The following TOX2 variants were observed in gnomAD, a reference collection of about 807,000 sequenced individuals.
TOX2 encodes TOX high mobility group box family member 2.
A neutral mutation model predicts 47.4 loss-of-function variants in TOX2; 15 were observed. The observed-to-expected ratio is 0.32, with a 90% CI of 0.21 to 0.49. The LOEUF is 0.49. Among genes scored for constraint, TOX2 ranks in the 20% least tolerant of loss-of-function variants. TOX2 has a pLI of 0.99. For synonymous variants in TOX2, 290 were observed against 296.6 expected, an observed-to-expected ratio of 0.98 and a Z score of 0.23; for missense variants, 622 against 673.1, an observed-to-expected ratio of 0.92 and a Z score of 0.84.
At chr20:43,925,320 T>G (rs2069153174) in intron 1 of TOX2, among the ~76,000 whole-genome samples, 1 of 152,012 alleles carries the variant, frequency 6.6e-6, no homozygotes, top group Non-Finnish European at 1.5e-5. Context: ...CGTGACTGCG[T>G]GGGTGGGCAG....
chr20:43,944,513 AC>A lies in TOX2; in HGVS notation c.100-28853del, dbSNP rs2069440405. ...AAAGGTACAGAGGCAGGGAAGCAAG[AC>A]TTTTTTCCTTTCTGGAGCCTTTTGT... On this transcript the variant is annotated intron_variant, in intron 1 of 8. Coordinates refer to ENST00000341197, the MANE Select transcript of TOX2 (RefSeq NM_001098797.2). Among the ~76,000 whole-genome samples the A allele has an allele frequency of 2.1e-5, 3 of 143,516 alleles. No individual in the cohort carries two copies. The South Asian group carries it at 6.4e-4, about 31-fold the overall frequency. 94.2% of individuals were successfully genotyped at this position (143,516 alleles called of 152,430 possible). A position where few individuals can be genotyped will look rare whatever the true frequency, so the allele number is the denominator to read the frequency against.
At position 43,956,741 on chromosome 20, in the gene TOX2, G is replaced by A. The variant is rs537221047; in HGVS notation, c.100-16626G>A. Among the ~76,000 whole-genome samples the A allele has an allele frequency of 9.2e-5, 14 of 152,212 alleles. 2 individuals are homozygous for A. The highest frequency in any genetic ancestry group is 4.1e-4 in the South Asian group (2 of 4,820). On this transcript the variant is annotated intron_variant, in intron 1 of 8. Coordinates refer to ENST00000341197, the MANE Select transcript of TOX2 (RefSeq NM_001098797.2). Reference sequence around the variant, plus strand: ...ATTGTCTTCCATTAGGCTGGAACCCGTTTCCCATGTCCGCAGTGGTGTGAA... The same window carrying A: ...ATTGTCTTCCATTAGGCTGGAACCCATTTCCCATGTCCGCAGTGGTGTGAA...
At chr20:43,944,896 A>G (rs1052428282) in intron 1 of TOX2, among the ~76,000 whole-genome samples, 2 of 152,298 alleles carry the variant, frequency 1.3e-5, no homozygotes, top group East Asian at 3.9e-4. Flanking sequence ...TAGGATTCGA[A>G]CCCAGCTCTG....
intron 1 of TOX2, 25 bp from the exon 2 acceptor site, chr20:43,973,342 G>A (rs1433501134): frequency 1.2e-6 from 2 of 1,612,406 alleles, no homozygotes; most frequent in African/African-American, 1.3e-5. Flanking sequence ...AATCAGAGCT[G>A]CTTCTCCCTC....
At chr20:44,006,405 T>A (rs2070679844) in intron 2 of TOX2, 142 bp from the exon 3 acceptor site, 2 of 1,348,888 alleles carry the variant, frequency 1.5e-6, no homozygotes, top group African/African-American at 2.9e-5. Context: ...GTCTTGACCC[T>A]CTGCCTTGCA....
At chr20:43,970,525 C>T (rs1265735304) in intron 1 of TOX2, among the ~76,000 whole-genome samples, 2 of 151,096 alleles carry the variant, frequency 1.3e-5, no homozygotes, top group Non-Finnish European at 2.9e-5. Context: ...CCATACTGTT[C>T]GATTACTATT....
chr20:43,956,841 T>C (rs887080923), intron 1 of TOX2, among the ~76,000 whole-genome samples: 2 of 152,198 alleles, frequency 1.3e-5, no homozygotes, highest in Non-Finnish European at 2.9e-5. Context: ...TGTCCCTTTT[T>C]TCCCTTCCAT....
intron 5 of TOX2, among the ~76,000 whole-genome samples, chr20:44,060,116 A>T (rs1042991876): frequency 1.3e-5 from 2 of 152,236 alleles, no homozygotes; most frequent in African/African-American, 4.8e-5. Flanking sequence ...TTCTTATATC[A>T]GACCAAACAA....
At chr20:44,056,651 C>T (rs1408904036) in intron 5 of TOX2, among the ~76,000 whole-genome samples, 5 of 152,132 alleles carry the variant, frequency 3.3e-5, no homozygotes, top group East Asian at 1.9e-4. Context: ...TATTTCCATC[C>T]GATAATGGGC....
At chr20:43,950,385 C>T (rs149510583) in intron 1 of TOX2, among the ~76,000 whole-genome samples, 68 of 152,286 alleles carry the variant, frequency 4.5e-4, no homozygotes, top group Middle Eastern at 3.4e-3. Flanking sequence ...CAGATAAGGC[C>T]GGTGGAAAAA....
chr20:44,013,114 C>G (rs1297794676), intron 3 of TOX2, among the ~76,000 whole-genome samples: 1 of 152,108 alleles, frequency 6.6e-6, no homozygotes. Flanking sequence ...GGACTTGATC[C>G]TGGGGGCAGG....
intron 2 of TOX2, among the ~76,000 whole-genome samples, chr20:43,985,909 C>T (rs140667759): frequency 1.7e-4 from 26 of 152,132 alleles, no homozygotes; most frequent in African/African-American, 1.9e-4. Context: ...GATGAGCAGG[C>T]GGTGAGAGTG....
At chr20:44,038,220 A>T (rs2071270708) in intron 3 of TOX2, among the ~76,000 whole-genome samples, 1 of 151,906 alleles carries the variant, frequency 6.6e-6, no homozygotes, top group African/African-American at 2.4e-5. Context: ...ACATAGAGAG[A>T]CCCTGTATCT....
chr20:44,016,415 T>C (rs2070879233), intron 3 of TOX2, among the ~76,000 whole-genome samples: 1 of 152,162 alleles, frequency 6.6e-6, no homozygotes, highest in African/African-American at 2.4e-5. Flanking sequence ...TGAGCCACTA[T>C]GCCTGGCCTG....
In TOX2 at chr20:44,027,719, T is replaced by A. The variant is rs1019977223; in HGVS notation, c.411+20927T>A. On this transcript the variant is annotated intron_variant, in intron 3 of 8. Transcript: ENST00000341197. ...TAGGTGCTTGGGGATGGGTGAGGCA[T>A]CACTGGCAGAAGGAAGTGCACAGGC... Among the ~76,000 whole-genome samples, 17 of 152,280 alleles carry A rather than the reference T, an allele frequency of 1.1e-4. 1 individual carries two copies. The South Asian group carries it at 3.5e-3, about 32-fold the overall frequency.
At chr20:44,007,535 A>G (rs1463169947) in intron 3 of TOX2, 2 of 152,324 alleles carry the variant, frequency 1.3e-5, no homozygotes, top group African/African-American at 4.8e-5. Context: ...GCAAGACCCT[A>G]TCACGAAAAG....
rs546687929 is a variant in TOX2, at chr20:43,976,854, G to A, written c.165+3422G>A. 6.6e-5 allele frequency among the ~76,000 whole-genome samples: 10 copies of A among 152,186 alleles called. No individual in the cohort carries two copies. The East Asian group carries it at 1.9e-3, about 29-fold the overall frequency. On this transcript the variant is annotated intron_variant, in intron 2 of 8. Coordinates refer to ENST00000341197, the MANE Select transcript of TOX2 (RefSeq NM_001098797.2). ...CTCACAATGTGTTGTCTCATCAACT[G>A]CAAGAATTGTATTGTCCAAATTACT...
At position 43,916,004 on chromosome 20, in the gene TOX2, A is replaced by T; in HGVS notation, c.99+1014A>T. 1.8e-6 allele frequency: 1 copy of T among 561,118 alleles called. No individual in the cohort carries two copies. The highest frequency in any genetic ancestry group is 2.3e-6 in the Non-Finnish European group (1 of 442,270). 34.8% of individuals were successfully genotyped at this position (561,118 alleles called of 1,614,324 possible). On this transcript the variant is annotated intron_variant, in intron 1 of 8. Coordinates refer to ENST00000341197, the MANE Select transcript of TOX2 (RefSeq NM_001098797.2). This position sits in a 1 kb window ranked among gnomAD's most constrained non-coding sequence, Gnocchi z 5.0. ...CTGGATGGGTTGGGTGCCTCTAAGC[A>T]GTCCGCGTCCCCTTCGGTCGCCGGA...
intron 1 of TOX2, among the ~76,000 whole-genome samples, chr20:43,930,466 A>T (rs982315596): frequency 6.6e-6 from 1 of 152,218 alleles, no homozygotes; most frequent in African/African-American, 2.4e-5. Context: ...ATGATGTTTG[A>T]AATCCTTGTC....
Sources: allele counts gnomAD v4.1 joint callset (sites outside exome capture counted in the v4.1 genomes callset), GRCh38; gene constraint gnomAD v4.1.1; non-coding constraint Gnocchi (gnomAD v3.1); transcripts MANE v1.5; gene names NCBI Gene and HGNC (gene_info 2026-07-23, HGNC 2026-07-21).